SPAG16: variants seen among roughly 807,000 people sequenced by gnomAD.
SPAG16 encodes the protein sperm-associated antigen 16 protein.
SPAG16 carries 86 observed loss-of-function variants against 80.4 expected under a neutral mutation model. The observed-to-expected ratio is 1.07, with a 90% CI of 0.90 to 1.28. The LOEUF is 1.28. SPAG16 is among the 50% of genes most tolerant of loss of function. The pLI, the probability that SPAG16 is intolerant of heterozygous loss-of-function variation, is 0.00. For synonymous variants in SPAG16, 294 were observed against 265.9 expected (o/e 1.11, Z -1.03); for missense variants, 870 against 765.3 (o/e 1.14, Z -1.61).
chr2:213,739,584 A>T (rs2067446665), intron 10 of SPAG16, among the ~76,000 whole-genome samples: 1 of 152,162 alleles, frequency 6.6e-6, no homozygotes, highest in Admixed American at 6.5e-5. Flanking sequence ...AATATTCCCT[A>T]ATTTAAAATC....
rs57482112 is a variant in SPAG16 at position 213,863,397 on chromosome 2, ACTC to A, written c.1214+772_1214+774del. Among the ~76,000 whole-genome samples the A allele has an allele frequency of 9.6e-3, 1,457 of 151,694 alleles. 31 individuals are homozygous for A. Among genetic ancestry groups the A allele is most frequent in the African/African-American group, 0.032 (1,339 of 41,344 alleles). Reference sequence around the variant, plus strand: ...TGATTTATTTTCATGTTTTCACTAAACTCCTTTTTTAAATCAGTTTTTATTTTA... The same window carrying A: ...TGATTTATTTTCATGTTTTCACTAAACTTTTTTAAATCAGTTTTTATTTTA... On this transcript the variant is annotated intron_variant, in intron 11 of 15. Transcript: ENST00000331683.
At chr2:213,708,444 G>A (rs951985430) in intron 10 of SPAG16, among the ~76,000 whole-genome samples, 1 of 152,130 alleles carries the variant, frequency 6.6e-6, no homozygotes, top group African/African-American at 2.4e-5. Flanking sequence ...GCTCATGCCT[G>A]TAATCCCAGC....
At chr2:213,471,592 G>C (rs1229707406) in intron 9 of SPAG16, among the ~76,000 whole-genome samples, 3 of 152,252 alleles carry the variant, frequency 2.0e-5, no homozygotes, top group Non-Finnish European at 4.4e-5. Flanking sequence ...TCACCTATGG[G>C]GGCCTGCCAG....
intron 15 of SPAG16, among the ~76,000 whole-genome samples, chr2:214,365,795 C>G (rs1486972010): frequency 6.6e-6 from 1 of 152,096 alleles, no homozygotes; most frequent in East Asian, 1.9e-4. Flanking sequence ...GTTCTTCACT[C>G]TCTTCAAGAT....
At chr2:214,277,573 G>A (rs1252601591) in intron 15 of SPAG16, among the ~76,000 whole-genome samples, 1 of 151,810 alleles carries the variant, frequency 6.6e-6, no homozygotes, top group Non-Finnish European at 1.5e-5. Context: ...GGAGTTTGCT[G>A]GAGGTCCACT....
chr2:213,305,094 A>G (rs2062887555), intron 3 of SPAG16, among the ~76,000 whole-genome samples: 1 of 151,908 alleles, frequency 6.6e-6, no homozygotes, highest in Admixed American at 6.6e-5. Context: ...ATCTCACTTG[A>G]TTGGTTAAGT....
At chr2:213,292,439 C>T (rs537071833) in intron 1 of SPAG16, among the ~76,000 whole-genome samples, 5 of 151,686 alleles carry the variant, frequency 3.3e-5, no homozygotes, top group African/African-American at 9.7e-5. Flanking sequence ...CCGAGGCGGG[C>T]GGATCATGAG....
chr2:213,905,955 G>A (rs1272677828), intron 11 of SPAG16, among the ~76,000 whole-genome samples: 2 of 152,230 alleles, frequency 1.3e-5, no homozygotes, highest in African/African-American at 4.8e-5. Context: ...AAGATGCTGG[G>A]TTGAGTTGTC....
rs1489484256 is a variant in SPAG16 at position 214,212,005 on chromosome 2, T to C, written c.1720+62739T>C. 2.6e-5 allele frequency among the ~76,000 whole-genome samples: 4 copies of C among 152,302 alleles called. No homozygotes were observed. The South Asian group carries it at 6.2e-4, about 24-fold the overall frequency. ...CCTATTTGGTCTTCCACTTCATTCT[T>C]ATCTTGCTAAAGCCGTTGTCCAGAG... On this transcript the variant is annotated intron_variant, in intron 15 of 15. Coordinates refer to ENST00000331683, the MANE Select transcript of SPAG16 (RefSeq NM_024532.5).
chr2:213,614,589 G>A (rs772997123), intron 10 of SPAG16, among the ~76,000 whole-genome samples: 18 of 152,132 alleles, frequency 1.2e-4, no homozygotes, highest in East Asian at 1.9e-4. Context: ...AGTGGATGCC[G>A]CTTTCTTGAA....
chr2:213,692,050 A>T (rs868224826), intron 10 of SPAG16, among the ~76,000 whole-genome samples: 4 of 152,228 alleles, frequency 2.6e-5, no homozygotes, highest in Admixed American at 2.0e-4. Context: ...TAAATTACAG[A>T]CTTGTAATTA....
chr2:214,309,063 G>A (rs561036322), intron 15 of SPAG16, among the ~76,000 whole-genome samples: 1 of 151,796 alleles, frequency 6.6e-6, no homozygotes, highest in African/African-American at 2.4e-5. Context: ...AATCCCATAT[G>A]TCTCAGAGGT....
intron 7 of SPAG16, among the ~76,000 whole-genome samples, chr2:213,357,634 T>A (rs997636508): frequency 6.6e-6 from 1 of 152,196 alleles, no homozygotes; most frequent in African/African-American, 2.4e-5. Context: ...TCCCTTTATT[T>A]TGAGCCTATG....
chr2:213,918,323 G>A (rs556089213), intron 11 of SPAG16, among the ~76,000 whole-genome samples: 21 of 152,172 alleles, frequency 1.4e-4, no homozygotes, highest in African/African-American at 5.1e-4. Context: ...CAATTTTTTG[G>A]AACAGTTTCA....
chr2:213,483,520 G>A (rs1214904869), intron 9 of SPAG16, among the ~76,000 whole-genome samples: 1 of 152,160 alleles, frequency 6.6e-6, no homozygotes, highest in African/African-American at 2.4e-5. Context: ...AATTTCGAAA[G>A]ATGGGTTGTT....
At chr2:213,328,450 G>A (rs2063935772) in intron 5 of SPAG16, among the ~76,000 whole-genome samples, 1 of 152,086 alleles carries the variant, frequency 6.6e-6, no homozygotes, top group Admixed American at 6.6e-5. Context: ...GAATTCAAGT[G>A]AGGTTCTTGT....
At chr2:213,549,515 A>G (rs1385888699) in intron 10 of SPAG16, among the ~76,000 whole-genome samples, 1 of 152,158 alleles carries the variant, frequency 6.6e-6, no homozygotes, top group African/African-American at 2.4e-5. Flanking sequence ...TACTAAAAAT[A>G]TCTTAGTTTC....
chr2:213,720,599 C>A (rs906498101), intron 10 of SPAG16, among the ~76,000 whole-genome samples: 2 of 151,402 alleles, frequency 1.3e-5, no homozygotes, highest in Non-Finnish European at 2.9e-5. Flanking sequence ...GATCGCGCCA[C>A]TGCACTCCAG....
At chr2:214,360,711 C>G (rs1360752534) in intron 15 of SPAG16, among the ~76,000 whole-genome samples, 1 of 151,770 alleles carries the variant, frequency 6.6e-6, no homozygotes, top group African/African-American at 2.4e-5. Flanking sequence ...TTTAAACTTT[C>G]CCTCTGAAGG....
Sources: allele counts gnomAD v4.1 joint callset (sites outside exome capture counted in the v4.1 genomes callset), GRCh38; gene constraint gnomAD v4.1.1; transcripts MANE v1.5; gene names NCBI Gene and HGNC (gene_info 2026-07-23, HGNC 2026-07-21).